INTS8: variants seen among roughly 807,000 people sequenced by gnomAD.
The protein encoded by INTS8 is integrator complex subunit 8, also known as protein kaonashi-1.
Under a neutral mutation model 138.9 loss-of-function variants are expected in INTS8, and 47 were observed. The ratio of observed to expected loss-of-function variants is 0.34; its 90% CI spans 0.27 to 0.43. The LOEUF is 0.43. INTS8 is among the 20% of genes least tolerant of loss of function. The pLI is 1.00. For synonymous variants in INTS8, 392 were observed against 400.9 expected (o/e 0.98, Z 0.27); for missense variants, 996 against 1,173.0 (o/e 0.85, Z 2.20).
chr8:94,859,636 G>T lies in INTS8; in HGVS notation c.2076+4G>T, dbSNP rs926458898. 6.2e-7 allele frequency: 1 copy of T among 1,603,394 alleles called. No homozygotes were observed. The highest frequency in any genetic ancestry group is 8.5e-7 in the Non-Finnish European group (1 of 1,171,212). On this transcript the variant is annotated splice_donor_region_variant and intron_variant, in intron 16 of 26. Transcript: ENST00000523731. ...TCAGAGTAATCCATATGTAAAGGTAGTTAATGTTTAAATAAAAGGATTGTT... is the reference window on the plus strand; with the variant it reads ...TCAGAGTAATCCATATGTAAAGGTATTTAATGTTTAAATAAAAGGATTGTT...
chr8:94,877,278 G>T (rs1816596324), intron 26 of INTS8, among the ~76,000 whole-genome samples: 1 of 151,988 alleles, frequency 6.6e-6, no homozygotes, highest in African/African-American at 2.4e-5. Flanking sequence ...TCTTTTCTTT[G>T]CTCTTTCACT....
At chr8:94,854,985 A>T (rs1258665487) in intron 14 of INTS8, among the ~76,000 whole-genome samples, 1 of 151,654 alleles carries the variant, frequency 6.6e-6, no homozygotes. Context: ...GGCTCAAACA[A>T]TCCTTCCACA....
Position 94,865,659 on chromosome 8 carries a change from CAG to C in INTS8, c.2233_2234del (p.Arg745GlyfsTer11), listed in dbSNP as rs1224066201. The C allele has an allele frequency of 6.2e-7, 1 of 1,614,054 alleles. No individual in the cohort carries two copies. The highest frequency in any genetic ancestry group is 8.5e-7 in the Non-Finnish European group (1 of 1,179,932). On this transcript the variant is annotated frameshift_variant, in exon 17 of 27. Transcript: ENST00000523731. LOFTEE classifies it high-confidence loss of function. ...TGATGGCAGAGTTAGTTTAATAAAACAGAGGGAATCTACGTTAGGTATCATGT... is the reference window on the plus strand; with the variant it reads ...TGATGGCAGAGTTAGTTTAATAAAACAGGGAATCTACGTTAGGTATCATGT... ...GNDGRVSLIK[Q>X]RESTLGIMYR...
chr8:94,855,612 C>G (rs560559259), intron 14 of INTS8, among the ~76,000 whole-genome samples: 3 of 152,122 alleles, frequency 2.0e-5, no homozygotes, highest in Non-Finnish European at 4.4e-5. Context: ...CATTTATTCA[C>G]AAAAAGTTTG....
intron 10 of INTS8, among the ~76,000 whole-genome samples, chr8:94,845,784 A>G (rs949682179): frequency 3.3e-5 from 5 of 152,218 alleles, no homozygotes; most frequent in Admixed American, 6.5e-5. Flanking sequence ...TTATGTGTCA[A>G]CATTAGACTC....
intron 14 of INTS8, 151 bp downstream of exon 14, chr8:94,854,066 C>T (rs1195036022): frequency 2.0e-6 from 1 of 502,260 alleles, no homozygotes; most frequent in Non-Finnish European, 3.6e-6. Flanking sequence ...GAAACCTTCT[C>T]TCTACTAAAA....
Position 94,827,331 on chromosome 8 carries a change from C to T in INTS8, c.374C>T (p.Thr125Ile), listed in dbSNP as rs1814547047. The T allele has an allele frequency of 6.2e-7, 1 of 1,613,528 alleles. No homozygotes were observed. The highest frequency in any genetic ancestry group is 1.1e-5 in the South Asian group (1 of 91,072). Residue 125 changes from threonine (T) to isoleucine (I), a missense_variant, in exon 3 of 27, where the codon ACA (threonine) becomes ATA (isoleucine). Physicochemically the swap from Thr to Ile is moderately conservative, Grantham distance 89 (BLOSUM62 -1). Transcript: ENST00000523731. Reference protein sequence around the residue: ...LLCISKVPPGTKHVDMDLATL... With the variant: ...LLCISKVPPGIKHVDMDLATL... ...TGCATCAGTAAAGTTCCTCCTGGGACAAAGCATGTAGACATGGATCTGGCC... is the reference window on the plus strand; with the variant it reads ...TGCATCAGTAAAGTTCCTCCTGGGATAAAGCATGTAGACATGGATCTGGCC...
chr8:94,847,051 T>A (rs755577245), intron 10 of INTS8, among the ~76,000 whole-genome samples: 4 of 152,222 alleles, frequency 2.6e-5, no homozygotes, highest in African/African-American at 9.6e-5. Flanking sequence ...TTTATTTTTT[T>A]ATTTTTTGAG....
intron 14 of INTS8, among the ~76,000 whole-genome samples, chr8:94,854,175 C>T (rs909414794): frequency 2.0e-5 from 3 of 149,456 alleles, no homozygotes; most frequent in Non-Finnish European, 4.4e-5. Context: ...CATTGCACTC[C>T]GGCCTGGGTG....
At chr8:94,860,579 CAAAAA>C (rs58945163) in intron 16 of INTS8, among the ~76,000 whole-genome samples, 11 of 39,458 alleles carry the variant, frequency 2.8e-4, no homozygotes, top group African/African-American at 9.1e-4. Context: ...AACTCTACCT[CAAAAA>C]AAAAAAAAAA....
intron 20 of INTS8, among the ~76,000 whole-genome samples, chr8:94,869,227 C>CA (rs1816297887): frequency 6.6e-6 from 1 of 151,952 alleles, no homozygotes; most frequent in South Asian, 2.1e-4. Flanking sequence ...GTGATCTGCA[C>CA]ACCTCAGCCT....
At chr8:94,862,939 T>C (rs1441321561) in intron 16 of INTS8, among the ~76,000 whole-genome samples, 2 of 152,176 alleles carry the variant, frequency 1.3e-5, no homozygotes, top group African/African-American at 4.8e-5. Context: ...AATTTGGTGA[T>C]TTTAATGTTT....
rs767023315 is a variant in INTS8, at chr8:94,859,623, A to G, written c.2067A>G (p.Pro689=). 8 of 1,607,984 alleles carry G rather than the reference A, an allele frequency of 5.0e-6. No individual in the cohort carries two copies. The highest frequency in any genetic ancestry group is 2.2e-5 in the South Asian group (2 of 90,900). ...QVPAFLLQSN[P]YVKLGQLLAA... ...CTGCATTTTTGCTTCAGAGTAATCC[A>G]TATGTAAAGGTAGTTAATGTTTAAA... Residue 689 remains proline (P), a synonymous_variant, in exon 16 of 27, where the codon CCA becomes CCG. Transcript: ENST00000523731.
At chr8:94,838,970 G>T (rs541824844) in intron 8 of INTS8, among the ~76,000 whole-genome samples, 1 of 152,332 alleles carries the variant, frequency 6.6e-6, no homozygotes, top group South Asian at 2.1e-4. Context: ...TTAGTTGTGT[G>T]TGTGTGCATT....
At chr8:94,855,226 T>C (rs910828003) in intron 14 of INTS8, among the ~76,000 whole-genome samples, 1 of 152,242 alleles carries the variant, frequency 6.6e-6, no homozygotes, top group African/African-American at 2.4e-5. Context: ...AGGCCACATA[T>C]GTAATCTGTA....
intron 20 of INTS8, chr8:94,867,556 C>T (rs1020003468): frequency 4.8e-6 from 2 of 417,712 alleles, no homozygotes; most frequent in Non-Finnish European, 8.2e-6. Context: ...CAGAGTCTCA[C>T]TCTGTTGCCC....
At chr8:94,840,317 A>T (rs781436822) in intron 8 of INTS8, among the ~76,000 whole-genome samples, 2 of 152,248 alleles carry the variant, frequency 1.3e-5, no homozygotes, top group East Asian at 1.9e-4. Context: ...TTTTGAAACC[A>T]CTTATGTCAG....
Position 94,832,127 on chromosome 8 carries a change from A to C in INTS8, c.706A>C (p.Ser236Arg), listed in dbSNP as rs753534590. ...EPGMVNGETE[S>R]STAGLKVKTE... is the part of the protein sequence containing the mutation. ...AGGCATGGTAAATGGAGAAACTGAG[A>C]GTTCTACTGCTGGATTGAAAGTCAA... Residue 236 changes from serine (S) to arginine (R), a missense_variant, in exon 6 of 27, where the codon AGT becomes CGT. Ser to Arg is a moderately radical substitution (Grantham distance 110). Coordinates refer to ENST00000523731, the MANE Select transcript of INTS8 (RefSeq NM_017864.4). The C allele has an allele frequency of 1.9e-5, 31 of 1,613,664 alleles. No individual in the cohort carries two copies. Among genetic ancestry groups the C allele is most frequent in the Admixed American group, 1.0e-4 (6 of 59,904 alleles).
Position 94,850,054 on chromosome 8 carries a change from G to A in INTS8, c.1470G>A (p.Leu490=), listed in dbSNP as rs1815474621. The change falls in exon 12 of 27, where the codon CTG becomes CTA. Residue 490 remains leucine, a synonymous_variant. Coordinates refer to ENST00000523731, the MANE Select transcript of INTS8 (RefSeq NM_017864.4). ...GGAAGAGATCCCCTAGAGTAAATCT[G>A]TGCATTAAACCTGTAACTTCATTTT... The part of the protein sequence containing the change: ...QMRKRSPRVN[L]CIKPVTSFYD... 1 of 1,610,490 alleles carries A rather than the reference G, an allele frequency of 6.2e-7. No homozygotes were observed. The highest frequency in any genetic ancestry group is 1.7e-5 in the Admixed American group (1 of 59,462).
Sources: allele counts gnomAD v4.1 joint callset (sites outside exome capture counted in the v4.1 genomes callset), GRCh38; gene constraint gnomAD v4.1.1; transcripts MANE v1.5; gene names NCBI Gene and HGNC (gene_info 2026-07-23, HGNC 2026-07-21).